Variants in BICDL1 observed in about 807,000 individuals in gnomAD.
BICDL1 encodes BICD family-like cargo adapter 1.
BICDL1 carries 20 observed loss-of-function variants against 76.8 expected under a neutral mutation model. That is an observed-to-expected ratio of 0.26 (90% CI 0.18 to 0.38). BICDL1 has a LOEUF of 0.38. Ranked by LOEUF, BICDL1 falls within the 10% of genes least tolerant of loss-of-function variation. The pLI is 1.00. For synonymous variants in BICDL1, 383 were observed against 337.1 expected, an observed-to-expected ratio of 1.14 and a Z score of -1.49; for missense variants, 700 against 798.6, an observed-to-expected ratio of 0.88 and a Z score of 1.49.
At chr12:120,016,501 G>A (rs1402778957) in intron 2 of BICDL1, among the ~76,000 whole-genome samples, 5 of 144,790 alleles carry the variant, frequency 3.5e-5, no homozygotes, top group South Asian at 2.2e-4. Flanking sequence ...GTACAGTGGC[G>A]TGATCATGGC....
At chr12:120,029,696 T>C (rs1212104841) in intron 2 of BICDL1, among the ~76,000 whole-genome samples, 2 of 152,158 alleles carry the variant, frequency 1.3e-5, no homozygotes, top group Non-Finnish European at 2.9e-5. Flanking sequence ...AGTCTTGCTT[T>C]GTTGCCCAGG....
intron 1 of BICDL1, among the ~76,000 whole-genome samples, chr12:119,992,245 T>G (rs1389234373): frequency 1.3e-5 from 2 of 152,214 alleles, no homozygotes; most frequent in Non-Finnish European, 2.9e-5. Context: ...ATCTTTCTAG[T>G]GTTAATGTGA....
At chr12:120,002,124 T>C (rs1400134694) in intron 2 of BICDL1, among the ~76,000 whole-genome samples, 1 of 152,148 alleles carries the variant, frequency 6.6e-6, no homozygotes, top group African/African-American at 2.4e-5. Context: ...AGAGAACATG[T>C]CACCCTCCGC....
intron 2 of BICDL1, among the ~76,000 whole-genome samples, chr12:120,008,528 T>C (rs1311064317): frequency 6.6e-6 from 1 of 152,180 alleles, no homozygotes; most frequent in Non-Finnish European, 1.5e-5. Flanking sequence ...GCTCAAGGCC[T>C]TGCAAAGGTT....
intron 2 of BICDL1, among the ~76,000 whole-genome samples, chr12:120,061,215 T>C (rs1953097737): frequency 6.6e-6 from 1 of 152,210 alleles, no homozygotes; most frequent in African/African-American, 2.4e-5. Context: ...CAAAAAATCT[T>C]AACAGGTATG....
intron 4 of BICDL1, among the ~76,000 whole-genome samples, chr12:120,068,087 C>G (rs2138927847): frequency 6.6e-6 from 1 of 152,290 alleles, no homozygotes; most frequent in Non-Finnish European, 1.5e-5. Flanking sequence ...CTCCCAGGTC[C>G]CCTAAGGCTC....
At position 120,027,888 on chromosome 12, in the gene BICDL1, A is replaced by G. The variant is rs1174071645; in HGVS notation, c.645+29152A>G. Among the ~76,000 whole-genome samples, 8 of 152,336 alleles carry G rather than the reference A, an allele frequency of 5.3e-5. No individual in the cohort carries two copies. In the East Asian group the frequency reaches 1.5e-3, roughly 29 times the overall value. On this transcript the variant is annotated intron_variant, in intron 2 of 9. Coordinates refer to ENST00000548673, the MANE Select transcript of BICDL1 (RefSeq NM_001367886.1). ...CTGTTTACTCTTAATTTGCAATTAT[A>G]GTGCAGTACAAGAAAGGCCAACAGC...
rs1407240655 is a variant in BICDL1, at chr12:120,071,798, G to A, written c.1086G>A (p.Glu362=). Residue 362 remains glutamate (E), a synonymous_variant, in exon 5 of 10, where the codon GAG becomes GAA. Transcript: ENST00000548673. The surrounding 1 kb of genome is among the most constrained non-coding windows in gnomAD (Gnocchi z 4.8). ...MEAEELEQER[E]QLRLQLWEAY... ...CTGAGGAGCTGGAGCAGGAGCGAGA[G>A]CAGGTGCTGACCTGCCTGTCACCCC... The A allele has an allele frequency of 6.2e-7, 1 of 1,604,958 alleles. No individual in the cohort carries two copies. The highest frequency in any genetic ancestry group is 1.3e-5 in the African/African-American group (1 of 74,630).
chr12:120,090,133 C>T, intron 9 of BICDL1, 62 bp downstream of exon 9: 2 of 1,590,930 alleles, frequency 1.3e-6, no homozygotes, highest in Non-Finnish European at 1.7e-6. Context: ...TGAACCCAGG[C>T]AGAGTGTAAG....
At chr12:120,016,515 C>T (rs1175301918) in intron 2 of BICDL1, among the ~76,000 whole-genome samples, 1 of 144,702 alleles carries the variant, frequency 6.9e-6, no homozygotes, top group Non-Finnish European at 1.5e-5. Flanking sequence ...TCATGGCTCA[C>T]TACTCTGGTG....
At chr12:119,990,507 T>C (rs1193819472) in intron 1 of BICDL1, among the ~76,000 whole-genome samples, 2 of 152,178 alleles carry the variant, frequency 1.3e-5, no homozygotes, top group Admixed American at 1.3e-4. Flanking sequence ...AATGGGTCCA[T>C]GCGTGGCTCC....
At chr12:120,065,007 G>A (rs1231267995) in intron 4 of BICDL1, 128 bp downstream of exon 4, 27 of 1,053,186 alleles carry the variant, frequency 2.6e-5, no homozygotes, top group Non-Finnish European at 3.0e-5. Flanking sequence ...CTGAGGTCTC[G>A]CTGTGGGGCC....
At chr12:120,012,913 C>T (rs1951981780) in intron 2 of BICDL1, among the ~76,000 whole-genome samples, 1 of 152,214 alleles carries the variant, frequency 6.6e-6, no homozygotes, top group South Asian at 2.1e-4. Context: ...CACCCCACCT[C>T]CCATAGGGTG....
chr12:119,994,346 T>C (rs1951591494), intron 1 of BICDL1, among the ~76,000 whole-genome samples: 1 of 152,114 alleles, frequency 6.6e-6, no homozygotes, highest in Non-Finnish European at 1.5e-5. Flanking sequence ...ACAGTACTTT[T>C]TCAGAACCAT....
chr12:120,021,829 C>T (rs1036057367), intron 2 of BICDL1, among the ~76,000 whole-genome samples: 41 of 151,216 alleles, frequency 2.7e-4, no homozygotes, highest in Non-Finnish European at 4.7e-4. Flanking sequence ...TGCTTGAACC[C>T]GGGAGGTGAA....
At chr12:120,076,475 G>T (rs1204538116) in intron 7 of BICDL1, among the ~76,000 whole-genome samples, 1 of 152,168 alleles carries the variant, frequency 6.6e-6, no homozygotes, top group Non-Finnish European at 1.5e-5. Flanking sequence ...CTCCACAGTG[G>T]ATGCGGGGGG....
intron 1 of BICDL1, among the ~76,000 whole-genome samples, chr12:119,990,784 G>T (rs1164974692): frequency 6.6e-6 from 1 of 152,202 alleles, no homozygotes; most frequent in Non-Finnish European, 1.5e-5. Flanking sequence ...GCCCCTAAAG[G>T]AGCTTTATAT....
In BICDL1 at chr12:120,094,151, C is replaced by T. The variant is rs1268815841; in HGVS notation, c.*990C>T. ...ATGCTGCCTGCCTGCCTGCAGAAGC[C>T]TGCAGTGGCTGCTGCTCCTGCCTCT... On this transcript the variant is annotated 3_prime_UTR_variant, in exon 10 of 10. Coordinates refer to ENST00000548673, the MANE Select transcript of BICDL1 (RefSeq NM_001367886.1). The T allele has an allele frequency of 4.5e-6, 2 of 444,946 alleles. No individual in the cohort carries two copies. The highest frequency in any genetic ancestry group is 2.4e-5 in the Admixed American group (1 of 41,126). The allele number at this position is 444,946 out of a possible 1,614,324, so 27.6% of individuals were successfully genotyped here.
intron 7 of BICDL1, among the ~76,000 whole-genome samples, chr12:120,075,343 G>A (rs1873452374): frequency 6.6e-6 from 1 of 151,626 alleles, no homozygotes; most frequent in African/African-American, 2.4e-5. Flanking sequence ...AGGTTTCTTT[G>A]AGATGGAATT....
Sources: gnomAD v4.1 joint callset for allele counts (sites outside exome capture counted in the v4.1 genomes callset) on GRCh38, gnomAD v4.1.1 for gene constraint, Gnocchi (gnomAD v3.1) non-coding constraint, MANE v1.5 for transcripts, NCBI Gene and HGNC (gene_info 2026-07-23, HGNC 2026-07-21) for gene names.